Variants in COL4A5 observed in about 807,000 individuals in gnomAD.
The protein encoded by COL4A5 is collagen alpha-5(IV) chain.
Under a neutral mutation model 130.2 loss-of-function variants are expected in COL4A5, and 26 were observed. The observed-to-expected ratio is 0.20, with a 90% confidence interval of 0.15 to 0.28. The LOEUF is 0.28. Among genes scored for constraint, COL4A5 ranks in the 10% least tolerant of loss-of-function variants. The pLI is 1.00. For synonymous variants in COL4A5, 496 were observed against 439.6 expected (o/e 1.13, Z -1.60); for missense variants, 1,131 against 1,344.3 (o/e 0.84, Z 2.48).
At chrX:108,563,962 G>T in intron 4 of COL4A5, 36 bp downstream of exon 4, 1 of 1,078,739 alleles carries the variant, frequency 9.3e-7, no homozygotes, top group Non-Finnish European at 1.3e-6. Flanking sequence ...ATACTTTGTT[G>T]GTGGAAACAG....
chrX:108,450,355 A>G (rs1419290761), intron 1 of COL4A5, among the ~76,000 whole-genome samples: 1 of 111,762 alleles, frequency 8.9e-6, no homozygotes, highest in Non-Finnish European at 1.9e-5. Context: ...CAGCCCCCCA[A>G]AGAGCTGGGA....
chrX:108,440,067 G>T lies in COL4A5; in HGVS notation c.-59G>T. ...TAAACCCTCAAGATTATGTCAATTG[G>T]TTAGAGCCAGCCGGGAATTTCGTGC... On this transcript the variant is annotated 5_prime_UTR_variant, in exon 1 of 53. Transcript: ENST00000328300. The T allele has an allele frequency of 1.1e-6, 1 of 950,050 alleles. No homozygotes were observed. The highest frequency in any genetic ancestry group is 1.5e-6 in the Non-Finnish European group (1 of 663,806). The allele number at this position is 950,050 out of a possible 1,213,427, so 78.3% of individuals were successfully genotyped here.
At position 108,568,663 on chromosome X, in the gene COL4A5, C is replaced by G. The variant is rs1421037696; in HGVS notation, c.311C>G (p.Pro104Arg). Residue 104 changes from proline (P) to arginine (R), a missense_variant, in exon 5 of 53, where the codon CCA (proline) becomes CGA (arginine). Transcript: ENST00000328300. Reference protein sequence around the residue: ...PPGLPGFPGTPGLPGMPGHDG... With the variant: ...PPGLPGFPGTRGLPGMPGHDG... ...GGACTTCCTGGATTTCCAGGGACACCAGGTCTTCCTGTAAGTAGCATTTCA... is the reference window on the plus strand; with the variant it reads ...GGACTTCCTGGATTTCCAGGGACACGAGGTCTTCCTGTAAGTAGCATTTCA... 8.3e-7 allele frequency: 1 copy of G among 1,201,815 alleles called. No homozygotes were observed. The highest frequency in any genetic ancestry group is 1.1e-6 in the Non-Finnish European group (1 of 887,085).
At position 108,619,633 on chromosome X, in the gene COL4A5, A is replaced by G. The variant is rs1179143336; in HGVS notation, c.2510-626A>G. Among the ~76,000 whole-genome samples the G allele has an allele frequency of 7.1e-5, 8 of 112,034 alleles. No individual in the cohort carries two copies. In the East Asian group the frequency reaches 1.4e-3, roughly 19 times the overall value. On this transcript the variant is annotated intron_variant, in intron 30 of 52. Coordinates refer to ENST00000328300, the MANE Select transcript of COL4A5 (RefSeq NM_033380.3). ...AAGATGACAAAAAATACTAATAGTA[A>G]CATATTATTAATGTATTATTAAAAC...
intron 1 of COL4A5, among the ~76,000 whole-genome samples, chrX:108,528,390 T>A (rs1424111354): frequency 8.9e-6 from 1 of 112,264 alleles, no homozygotes; most frequent in Non-Finnish European, 1.9e-5. Context: ...CCTATGAAAG[T>A]AAATTCAAAA....
chrX:108,472,947 T>G (rs2064788996), intron 1 of COL4A5, among the ~76,000 whole-genome samples: 1 of 112,256 alleles, frequency 8.9e-6, no homozygotes, highest in Non-Finnish European at 1.9e-5. Flanking sequence ...TTTAGCTTTT[T>G]GATAACAGCC....
intron 1 of COL4A5, among the ~76,000 whole-genome samples, chrX:108,487,313 C>A (rs1185403345): frequency 1.9e-5 from 2 of 108,045 alleles, no homozygotes; most frequent in Non-Finnish European, 3.8e-5. Flanking sequence ...TCACTTGAAC[C>A]CGGGAGATGG....
chrX:108,589,287 A>C (rs1332765526), intron 19 of COL4A5, among the ~76,000 whole-genome samples: 4 of 111,177 alleles, frequency 3.6e-5, no homozygotes, highest in Non-Finnish European at 7.6e-5. Context: ...CTAGAGAAGA[A>C]TAGAAATAAA....
chrX:108,646,755 G>A (rs923585478), intron 36 of COL4A5, among the ~76,000 whole-genome samples: 6 of 111,625 alleles, frequency 5.4e-5, no homozygotes, highest in African/African-American at 2.0e-4. Context: ...ATTAATTTTT[G>A]TATAACGTGT....
chrX:108,479,801 G>A lies in COL4A5; in HGVS notation c.81+39595G>A, dbSNP rs1200690624. Among the ~76,000 whole-genome samples, 11 of 111,941 alleles carry A rather than the reference G, an allele frequency of 9.8e-5. No individual in the cohort carries two copies. In the Admixed American group the frequency reaches 1.0e-3, roughly 11 times the overall value. ...AAAAGCACCCAGTTTATGACAGGCA[G>A]TTTAAGTTGCACAGTGGCTTGATGA... On this transcript the variant is annotated intron_variant, in intron 1 of 52. Transcript: ENST00000328300.
At chrX:108,502,962 C>T (rs1456082838) in intron 1 of COL4A5, among the ~76,000 whole-genome samples, 1 of 112,161 alleles carries the variant, frequency 8.9e-6, no homozygotes, top group Non-Finnish European at 1.9e-5. Flanking sequence ...TGGGTTTTCC[C>T]TCTATCCCTT....
At chrX:108,623,132 C>G (rs1174858205) in intron 33 of COL4A5, among the ~76,000 whole-genome samples, 1 of 112,015 alleles carries the variant, frequency 8.9e-6, no homozygotes, top group East Asian at 2.8e-4. Flanking sequence ...TATATAGCCA[C>G]AATTACTTGA....
intron 4 of COL4A5, among the ~76,000 whole-genome samples, chrX:108,564,155 A>C (rs2065937897): frequency 2.7e-5 from 3 of 111,421 alleles, no homozygotes; most frequent in Non-Finnish European, 1.9e-5. Context: ...ATATAAAAGG[A>C]TTTTAAAGTA....
At chrX:108,631,064 A>G (rs986787727) in intron 36 of COL4A5, among the ~76,000 whole-genome samples, 6 of 111,608 alleles carry the variant, frequency 5.4e-5, no homozygotes, top group Non-Finnish European at 9.4e-5. Context: ...GTAGCCTTGT[A>G]GTAGAGTTTG....
rs958414843 is a variant in COL4A5 at position 108,576,029 on chromosome X, A to C, written c.609+57A>C. On this transcript the variant is annotated intron_variant, in intron 10 of 52. Coordinates refer to ENST00000328300, the MANE Select transcript of COL4A5 (RefSeq NM_033380.3). ...CCTTTCCTTTCTGACTTCTTTCAGG[A>C]ATATTAATATTATTTATAATACTTG... 7 of 672,776 alleles carry C rather than the reference A, an allele frequency of 1.0e-5. No individual in the cohort carries two copies. The African/African-American group carries it at 1.5e-4, about 15-fold the overall frequency. The allele number at this position is 672,776 out of a possible 1,213,427, so 55.4% of individuals were successfully genotyped here.
chrX:108,596,009 T>C (rs2066509499), intron 22 of COL4A5, among the ~76,000 whole-genome samples: 1 of 111,591 alleles, frequency 9.0e-6, no homozygotes, highest in Non-Finnish European at 1.9e-5. Context: ...AGGGGTTCTA[T>C]TGGAGTTTGG....
Position 108,598,766 on chromosome X carries a change from G to A in COL4A5, c.1844G>A (p.Gly615Glu), listed in dbSNP as rs794727397. Residue 615 changes from glycine to glutamate, a missense_variant, in exon 25 of 53, where the codon GGG becomes GAG. Transcript: ENST00000328300. ...PGNPGLPGLP[G>E]NIGPMGPPGF... ...AACCCAGGTTTACCAGGCCTCCCAG[G>A]GAATATAGGGCCTATGGGTCCCCCT... 8.3e-7 allele frequency: 1 copy of A among 1,210,475 alleles called. No individual in the cohort carries two copies. Among genetic ancestry groups the A allele is most frequent in the Non-Finnish European group, 1.1e-6 (1 of 894,552 alleles).
chrX:108,542,825 T>C (rs757868945), intron 2 of COL4A5, among the ~76,000 whole-genome samples: 13,277 of 105,726 alleles, frequency 0.13, 997 homozygotes, highest in Non-Finnish European at 0.19. Context: ...TGGTATCTCA[T>C]TGTGGTTTTG....
At chrX:108,630,940 G>C (rs1243082270) in intron 36 of COL4A5, among the ~76,000 whole-genome samples, 2 of 111,796 alleles carry the variant, frequency 1.8e-5, no homozygotes, top group African/African-American at 6.5e-5. Context: ...GTTTTGGTCA[G>C]GTTTGTCAAA....
Sources: gnomAD v4.1 joint callset for allele counts (sites outside exome capture counted in the v4.1 genomes callset) on GRCh38, gnomAD v4.1.1 for gene constraint, MANE v1.5 for transcripts, NCBI Gene and HGNC (gene_info 2026-07-23, HGNC 2026-07-21) for gene names.